GPHN: variants seen among roughly 807,000 people sequenced by gnomAD.
GPHN encodes the protein gephyrin.
In GPHN, 17 loss-of-function variants were observed where a neutral mutation model predicts 95.5. The ratio of observed to expected loss-of-function variants is 0.18; its 90% CI spans 0.12 to 0.27. The LOEUF (loss-of-function observed/expected upper bound fraction) is 0.27. Among genes scored for constraint, GPHN ranks in the 10% least tolerant of loss-of-function variants. The pLI is 1.00. For missense variants in GPHN, 660 were observed against 978.1 expected, an observed-to-expected ratio of 0.67 and a Z score of 4.34; for synonymous variants, 320 against 322.5, an observed-to-expected ratio of 0.99 and a Z score of 0.08.
chr14:67,589,018 A>G, the GPHN span: 1 of 152,672 alleles, frequency 6.5e-6, no homozygotes, highest in African/African-American at 2.4e-5. Context: ...TCTACCTCGA[A>G]CAAGTCACAT....
the GPHN span, chr14:67,562,359 C>T: frequency 2.9e-5 from 47 of 1,613,564 alleles, no homozygotes; most frequent in Admixed American, 6.7e-5. Flanking sequence ...AGTTCCAGCA[C>T]GGTCCATTCT....
chr14:66,828,968 T>C (rs1246848488), intron 4 of GPHN, among the ~76,000 whole-genome samples: 1 of 151,996 alleles, frequency 6.6e-6, no homozygotes, highest in Non-Finnish European at 1.5e-5. Flanking sequence ...TCCCTGCCTC[T>C]AAATATGAGA....
At chr14:67,283,248 TA>T in the GPHN span, among the ~76,000 whole-genome samples, 1 of 152,216 alleles carries the variant, frequency 6.6e-6, no homozygotes, top group Non-Finnish European at 1.5e-5. Flanking sequence ...GTTTCAGTCT[TA>T]ATTAGTGTCT....
chr14:67,589,264 TTA>T, the GPHN span: 5 of 831,224 alleles, frequency 6.0e-6, no homozygotes, highest in Non-Finnish European at 7.3e-6. Flanking sequence ...CAGGAACCCT[TTA>T]GTTTATTAAT....
intron 13 of GPHN, among the ~76,000 whole-genome samples, chr14:67,109,493 A>G (rs2078245197): frequency 6.6e-6 from 1 of 152,214 alleles, no homozygotes; most frequent in Non-Finnish European, 1.5e-5. Flanking sequence ...AGCACAAACA[A>G]TGAAAATCTT....
chr14:67,013,516 A>G (rs1347028460), intron 9 of GPHN, among the ~76,000 whole-genome samples: 3 of 152,100 alleles, frequency 2.0e-5, no homozygotes, highest in Non-Finnish European at 4.4e-5. Context: ...GATTAACAAC[A>G]TAATGTACGC....
At chr14:66,864,507 T>A (rs2063154508) in intron 4 of GPHN, among the ~76,000 whole-genome samples, 1 of 152,146 alleles carries the variant, frequency 6.6e-6, no homozygotes. Context: ...GTGCGGTGGC[T>A]CATGCCTGTA....
intron 1 of GPHN, among the ~76,000 whole-genome samples, chr14:66,641,967 AG>A (rs1168775810): frequency 2.0e-5 from 3 of 152,194 alleles, no homozygotes; most frequent in African/African-American, 7.2e-5. Context: ...AATAAGTGTA[AG>A]AGAGAGTACC....
At chr14:66,827,324 TA>T (rs1467036841) in intron 4 of GPHN, among the ~76,000 whole-genome samples, 1 of 151,718 alleles carries the variant, frequency 6.6e-6, no homozygotes, top group Non-Finnish European at 1.5e-5. Flanking sequence ...AGAGGTTTGT[TA>T]GGAATAACAA....
the GPHN span, chr14:67,692,689 C>T: frequency 5.7e-6 from 8 of 1,401,526 alleles, no homozygotes; most frequent in South Asian, 1.4e-5. Context: ...AAAAAACACA[C>T]ATTTTTACCC....
intron 4 of GPHN, among the ~76,000 whole-genome samples, chr14:66,852,182 G>T (rs2153516200): frequency 6.6e-6 from 1 of 152,306 alleles, no homozygotes; most frequent in African/African-American, 2.4e-5. Flanking sequence ...CATTAGTTGA[G>T]AATAAATTAA....
chr14:67,726,109 C>T, the GPHN span: 1 of 1,613,992 alleles, frequency 6.2e-7, no homozygotes. Flanking sequence ...GTCCATATTC[C>T]AAGACAGCTG....
At chr14:67,690,582 G>A in the GPHN span, 1 of 630,612 alleles carries the variant, frequency 1.6e-6, no homozygotes, top group East Asian at 2.7e-5. Context: ...GAAGGTTTAG[G>A]GAAATAACAA....
At chr14:67,193,381 A>C in the GPHN span, among the ~76,000 whole-genome samples, 1 of 134,544 alleles carries the variant, frequency 7.4e-6, no homozygotes, top group Non-Finnish European at 1.6e-5. Flanking sequence ...ATATATCTAG[A>C]TATATCTAGA....
intron 10 of GPHN, among the ~76,000 whole-genome samples, chr14:67,047,790 A>C (rs944866119): frequency 1.3e-5 from 2 of 152,200 alleles, no homozygotes; most frequent in Non-Finnish European, 2.9e-5. Context: ...GGGAGACCCC[A>C]TCTGTGCAAA....
chr14:67,302,715 T>C, the GPHN span: 1 of 594,246 alleles, frequency 1.7e-6, no homozygotes, highest in Non-Finnish European at 2.6e-6. Context: ...TTCCACAGTA[T>C]TTGTTAGCAG....
chr14:67,360,582 T>A, the GPHN span: 1 of 186,520 alleles, frequency 5.4e-6, no homozygotes, highest in African/African-American at 2.3e-5. Context: ...GGGAAGTGGC[T>A]GGACAGCACC....
At position 66,703,963 on chromosome 14, in the gene GPHN, C is replaced by A. The variant is rs1223911553; in HGVS notation, c.143+22778C>A. Among the ~76,000 whole-genome samples the A allele has an allele frequency of 3.6e-3, 393 of 110,482 alleles. 4 individuals carry two copies. Among genetic ancestry groups the A allele is most frequent in the African/African-American group, 9.1e-3 (337 of 36,942 alleles). 72.5% of individuals were successfully genotyped at this position (110,482 alleles called of 152,430 possible). A position where few individuals can be genotyped will look rare whatever the true frequency, so the allele number is the denominator to read the frequency against. On this transcript the variant is annotated intron_variant, in intron 2 of 22. Coordinates refer to ENST00000478722, the MANE Select transcript of GPHN (RefSeq NM_020806.5). ...AAAATACACCAAGCAAATGGAAAGC[C>A]AAAAAAAAAAAGAAAGAAAGAAAAA...
At chr14:67,287,070 T>C in the GPHN span, among the ~76,000 whole-genome samples, 4 of 151,810 alleles carry the variant, frequency 2.6e-5, no homozygotes, top group Admixed American at 1.3e-4. Flanking sequence ...ACAAAAAAAT[T>C]AGTTGGGTGT....
Sources: gnomAD v4.1 joint callset for allele counts (sites outside exome capture counted in the v4.1 genomes callset) on GRCh38, gnomAD v4.1.1 for gene constraint, MANE v1.5 for transcripts, NCBI Gene and HGNC (gene_info 2026-07-23, HGNC 2026-07-21) for gene names.